NOX4: variants seen among roughly 807,000 people sequenced by gnomAD.
NOX4 encodes kidney oxidase-1.
NOX4 carries 69 observed loss-of-function variants against 87.6 expected under a neutral mutation model. The ratio of observed to expected loss-of-function variants is 0.79; its 90% confidence interval spans 0.65 to 0.96. NOX4 has a LOEUF of 0.96. NOX4 is among the 40% of genes least tolerant of loss of function. NOX4 has a pLI of 0.00. For missense variants in NOX4, 680 were observed against 681.5 expected (o/e 1.00, Z 0.02); for synonymous variants, 275 against 238.2 (o/e 1.15, Z -1.42).
chr11:89,326,972 A>T, intron 17 of NOX4, 96 bp from the exon 18 acceptor site: 2 of 1,153,648 alleles, frequency 1.7e-6, no homozygotes, highest in South Asian at 3.1e-5. Flanking sequence ...AGTATTAACA[A>T]AGTTGATTTC....
chr11:89,378,218 T>C lies in NOX4; in HGVS notation c.1075-4726A>G, dbSNP rs548137089. Among the ~76,000 whole-genome samples, 450 of 152,268 alleles carry C rather than the reference T, an allele frequency of 3.0e-3. 2 individuals carry two copies. Among genetic ancestry groups the C allele is most frequent in the African/African-American group, 0.01 (434 of 41,562 alleles). On this transcript the variant is annotated intron_variant, in intron 11 of 17. Transcript: ENST00000263317. ...TCTTTCTGGCTTTATATTCCATGTT[T>C]CTCCTTTTTTTACTCTAATTGAGCT...
At chr11:89,417,447 A>G (rs1942845518) in intron 8 of NOX4, among the ~76,000 whole-genome samples, 1 of 152,158 alleles carries the variant, frequency 6.6e-6, no homozygotes, top group Admixed American at 6.6e-5. Context: ...ACCTCCCAAA[A>G]AGGTATATTA....
chr11:89,474,458 C>CAAAAA (rs67342388), intron 2 of NOX4, among the ~76,000 whole-genome samples: 3 of 97,034 alleles, frequency 3.1e-5, no homozygotes, highest in Non-Finnish European at 6.7e-5. Flanking sequence ...TCTATAATAC[C>CAAAAA]AAAAAAAAAA....
chr11:89,527,772 G>A, the NOX4 span, among the ~76,000 whole-genome samples: 1 of 152,172 alleles, frequency 6.6e-6, no homozygotes, highest in African/African-American at 2.4e-5. Context: ...ATTTGCTGCA[G>A]GGATGGAGCC....
the NOX4 span, chr11:89,548,224 A>G: frequency 6.6e-6 from 1 of 152,124 alleles, no homozygotes; most frequent in African/African-American, 2.4e-5. Context: ...GTCTTTGGAA[A>G]GTAATTAGGT....
chr11:89,505,300 C>T, the NOX4 span, among the ~76,000 whole-genome samples: 1 of 151,886 alleles, frequency 6.6e-6, no homozygotes, highest in Non-Finnish European at 1.5e-5. Context: ...AGCTAAGTCA[C>T]TGTCTATGAG....
the NOX4 span, chr11:89,556,791 A>G: frequency 1.3e-5 from 2 of 152,154 alleles, no homozygotes; most frequent in Non-Finnish European, 2.9e-5. Flanking sequence ...GTCAACTTCT[A>G]TCTCTGAGGG....
chr11:89,349,704 T>A (rs1946375166), intron 13 of NOX4, among the ~76,000 whole-genome samples: 1 of 152,202 alleles, frequency 6.6e-6, no homozygotes, highest in Admixed American at 6.5e-5. Context: ...GAGAACTTGA[T>A]CTTTATGAGA....
intron 8 of NOX4, among the ~76,000 whole-genome samples, chr11:89,411,656 A>G (rs1383703982): frequency 6.6e-6 from 1 of 152,110 alleles, no homozygotes; most frequent in Non-Finnish European, 1.5e-5. Flanking sequence ...ATCAGAAAAC[A>G]TACAACAGAT....
Position 89,465,824 on chromosome 11 carries a change from G to T in NOX4, c.154-13929C>A, listed in dbSNP as rs576001211. 4.0e-3 allele frequency among the ~76,000 whole-genome samples: 576 copies of T among 144,616 alleles called. 8 individuals carry two copies. The highest frequency in any genetic ancestry group is 0.015 in the African/African-American group (531 of 36,334). The allele number at this position is 144,616 out of a possible 152,430, so 94.9% of individuals were successfully genotyped here. A position where few individuals can be genotyped will look rare whatever the true frequency, so the allele number is the denominator to read the frequency against. On this transcript the variant is annotated intron_variant, in intron 2 of 17. Coordinates refer to ENST00000263317, the MANE Select transcript of NOX4 (RefSeq NM_016931.5). ...TATCCTTTGCTCACTTTATGATGGGGTTTTTTTTTTCTTGTAAATTTGTTT... is the reference window on the plus strand; with the variant it reads ...TATCCTTTGCTCACTTTATGATGGGTTTTTTTTTTTCTTGTAAATTTGTTT...
At chr11:89,505,439 C>T in the NOX4 span, among the ~76,000 whole-genome samples, 7 of 151,822 alleles carry the variant, frequency 4.6e-5, no homozygotes, top group East Asian at 1.2e-3. Flanking sequence ...TAAAAGTAAG[C>T]GTAACTTTAA....
At chr11:89,339,372 G>A (rs1945872110) in intron 15 of NOX4, among the ~76,000 whole-genome samples, 1 of 152,088 alleles carries the variant, frequency 6.6e-6, no homozygotes, top group African/African-American at 2.4e-5. Flanking sequence ...AATATAAATA[G>A]TATGATATAA....
chr11:89,431,913 G>A (rs2135311223), intron 7 of NOX4, among the ~76,000 whole-genome samples: 1 of 152,238 alleles, frequency 6.6e-6, no homozygotes, highest in South Asian at 2.1e-4. Context: ...TATGTTTATT[G>A]CGGCACTATT....
chr11:89,539,265 C>T, the NOX4 span, among the ~76,000 whole-genome samples: 6 of 152,028 alleles, frequency 3.9e-5, no homozygotes, highest in Non-Finnish European at 7.4e-5. Context: ...AAACCCATCC[C>T]TACTAAAAAA....
chr11:89,450,467 T>G (rs1396462952), intron 3 of NOX4, among the ~76,000 whole-genome samples: 1 of 152,038 alleles, frequency 6.6e-6, no homozygotes, highest in Non-Finnish European at 1.5e-5. Context: ...TACACAAAAT[T>G]AGTCAAAGAC....
intron 8 of NOX4, among the ~76,000 whole-genome samples, chr11:89,406,178 A>T (rs1191029691): frequency 6.6e-6 from 1 of 152,156 alleles, no homozygotes; most frequent in African/African-American, 2.4e-5. Context: ...GAAGGCCATT[A>T]TAACAATCTT....
At chr11:89,537,621 C>T in the NOX4 span, among the ~76,000 whole-genome samples, 1 of 151,600 alleles carries the variant, frequency 6.6e-6, no homozygotes, top group Non-Finnish European at 1.5e-5. Context: ...AGGGCCCCCC[C>T]GAGGCTAAAC....
chr11:89,409,065 A>T (rs1413131513), intron 8 of NOX4, among the ~76,000 whole-genome samples: 2 of 151,890 alleles, frequency 1.3e-5, no homozygotes, highest in South Asian at 2.1e-4. Context: ...CTTCACGGGT[A>T]TAAAAAGGGA....
upstream of NOX4, among the ~76,000 whole-genome samples, chr11:89,494,189 A>G (rs1436211798): frequency 6.6e-6 from 1 of 152,214 alleles, no homozygotes; most frequent in Non-Finnish European, 1.5e-5. Context: ...TTCTCCAGGA[A>G]CAGACTTTAC....
Sources: gnomAD v4.1 joint callset for allele counts (sites outside exome capture counted in the v4.1 genomes callset) on GRCh38, gnomAD v4.1.1 for gene constraint, MANE v1.5 for transcripts, NCBI Gene and HGNC (gene_info 2026-07-23, HGNC 2026-07-21) for gene names.